The following DLGAP2 variants were observed in gnomAD, a reference collection of about 807,000 sequenced individuals.
DLGAP2 encodes the protein disks large-associated protein 2.
A neutral mutation model predicts 100.3 loss-of-function variants in DLGAP2; 26 were observed. The ratio of observed to expected loss-of-function variants is 0.26; its 90% CI spans 0.19 to 0.36. The LOEUF (loss-of-function observed/expected upper bound fraction) is 0.36. Among genes scored for constraint, DLGAP2 ranks in the 10% least tolerant of loss-of-function variants. The pLI is 1.00. For synonymous variants in DLGAP2, 886 were observed against 630.1 expected (o/e 1.41, Z -6.08); for missense variants, 1,858 against 1,453.2 (o/e 1.28, Z -4.53).
chr8:920,023 C>A (rs1334804229), intron 2 of DLGAP2, among the ~76,000 whole-genome samples: 1 of 152,180 alleles, frequency 6.6e-6, no homozygotes, highest in Non-Finnish European at 1.5e-5. Context: ...GCAGGATGGC[C>A]ATGATTTGTT....
chr8:1,202,643 G>T (rs530614108), intron 2 of DLGAP2, among the ~76,000 whole-genome samples: 1 of 152,142 alleles, frequency 6.6e-6, no homozygotes, highest in Middle Eastern at 3.2e-3. Flanking sequence ...GGGGATGGGG[G>T]GCCAGGCAAT....
intron 2 of DLGAP2, among the ~76,000 whole-genome samples, chr8:1,235,119 GCGTCGTGTCTGCTTCCCT>G (rs1798618558): frequency 1.3e-4 from 4 of 29,770 alleles, no homozygotes; most frequent in Non-Finnish European, 3.4e-4. Context: ...CTCACACATG[GCGTCGTGTCTGCTTCCCT>G]CACACGTGGC....
intron 3 of DLGAP2, among the ~76,000 whole-genome samples, chr8:1,316,320 C>T (rs1379332102): frequency 3.0e-5 from 4 of 135,566 alleles, no homozygotes; most frequent in Admixed American, 7.6e-5. Context: ...AGAAACTTGG[C>T]AGCGTTTAAA....
chr8:1,356,048 T>C (rs1485127446), intron 3 of DLGAP2, among the ~76,000 whole-genome samples: 1 of 152,210 alleles, frequency 6.6e-6, no homozygotes, highest in Non-Finnish European at 1.5e-5. Flanking sequence ...GCACTGTCGG[T>C]CAGTATGGGG....
At position 1,022,524 on chromosome 8, in the gene DLGAP2, C is replaced by T. The variant is rs141334530; in HGVS notation, c.73+114558C>T. Among the ~76,000 whole-genome samples, 459 of 148,092 alleles carry T rather than the reference C, an allele frequency of 3.1e-3. 8 individuals carry two copies. In the East Asian group the frequency reaches 0.075, roughly 24 times the overall value. On this transcript the variant is annotated intron_variant, in intron 2 of 14. Coordinates refer to ENST00000637795, the MANE Select transcript of DLGAP2 (RefSeq NM_001346810.2). ...CCCATGCCGAGGTAGACACTCCAGC[C>T]GCCACCCATCCTCCCTGGGAGTGGA...
intron 1 of DLGAP2, among the ~76,000 whole-genome samples, chr8:741,185 G>A (rs963754420): frequency 6.6e-6 from 1 of 152,204 alleles, no homozygotes; most frequent in Non-Finnish European, 1.5e-5. Context: ...CATGACAAAA[G>A]ACTTTAATTT....
chr8:1,169,655 G>T (rs1797088210), intron 2 of DLGAP2, among the ~76,000 whole-genome samples: 2 of 152,106 alleles, frequency 1.3e-5, no homozygotes, highest in African/African-American at 2.4e-5. Context: ...TTGTGAATGG[G>T]AGTTCACTCA....
At chr8:1,083,442 C>T (rs924902884) in intron 2 of DLGAP2, among the ~76,000 whole-genome samples, 1 of 152,158 alleles carries the variant, frequency 6.6e-6, no homozygotes, top group African/African-American at 2.4e-5. Flanking sequence ...GGTTTGAAGT[C>T]ATTTTAACTT....
intron 1 of DLGAP2, among the ~76,000 whole-genome samples, chr8:848,207 A>G (rs1214229382): frequency 1.3e-5 from 2 of 152,240 alleles, no homozygotes; most frequent in Admixed American, 1.3e-4. Context: ...AGACTTATCT[A>G]TATTGCTATA....
intron 2 of DLGAP2, among the ~76,000 whole-genome samples, chr8:1,237,032 C>T (rs1401607651): frequency 2.0e-4 from 27 of 132,904 alleles, no homozygotes; most frequent in African/African-American, 3.7e-4. Flanking sequence ...CACAGAGCAT[C>T]GTGTCTAGTT....
chr8:1,093,219 A>C, intron 2 of DLGAP2, among the ~76,000 whole-genome samples: 1 of 152,054 alleles, frequency 6.6e-6, no homozygotes, highest in East Asian at 1.9e-4. Context: ...AAACACCTTC[A>C]CACCAACAGC....
intron 2 of DLGAP2, among the ~76,000 whole-genome samples, chr8:1,048,760 C>A (rs565145022): frequency 1.3e-5 from 2 of 151,918 alleles, no homozygotes; most frequent in Non-Finnish European, 2.9e-5. Context: ...CATCTGCCGC[C>A]GAAGCTGCAG....
At chr8:1,052,012 C>T (rs1393871421) in intron 2 of DLGAP2, among the ~76,000 whole-genome samples, 6 of 152,136 alleles carry the variant, frequency 3.9e-5, no homozygotes, top group African/African-American at 1.4e-4. Flanking sequence ...AATGGGATGC[C>T]CCACAAGGAT....
intron 4 of DLGAP2, among the ~76,000 whole-genome samples, chr8:1,530,009 C>T (rs907014362): frequency 3.7e-4 from 56 of 152,306 alleles, no homozygotes; most frequent in African/African-American, 1.3e-3. Flanking sequence ...AGGGTGAGAT[C>T]ACAGGACCAC....
intron 1 of DLGAP2, among the ~76,000 whole-genome samples, chr8:798,108 C>T (rs1197020417): frequency 6.6e-6 from 1 of 152,214 alleles, no homozygotes; most frequent in Non-Finnish European, 1.5e-5. Context: ...AGGCTGTTTG[C>T]ATCAGTTTCT....
At chr8:776,871 T>C (rs1244425600) in intron 1 of DLGAP2, among the ~76,000 whole-genome samples, 1 of 152,184 alleles carries the variant, frequency 6.6e-6, no homozygotes, top group African/African-American at 2.4e-5. Context: ...TAGGTCCACT[T>C]GTTGCAGAGC....
intron 2 of DLGAP2, among the ~76,000 whole-genome samples, chr8:1,039,808 G>A (rs1802264399): frequency 6.9e-6 from 1 of 145,748 alleles, no homozygotes; most frequent in African/African-American, 2.6e-5. Context: ...CGGTTTCCGT[G>A]GTCGGCTCGG....
chr8:1,587,949 C>G (rs1399740261), intron 6 of DLGAP2, among the ~76,000 whole-genome samples: 1 of 152,172 alleles, frequency 6.6e-6, no homozygotes, highest in Non-Finnish European at 1.5e-5. Flanking sequence ...TACCAATGAG[C>G]TACTTTTCTG....
At chr8:757,185 C>T (rs1205495096) in intron 1 of DLGAP2, among the ~76,000 whole-genome samples, 2 of 152,190 alleles carry the variant, frequency 1.3e-5, no homozygotes, top group Non-Finnish European at 2.9e-5. Flanking sequence ...CTGCTTTAAA[C>T]TTGCTCCAAA....
Sources: gnomAD v4.1 joint callset for allele counts (sites outside exome capture counted in the v4.1 genomes callset) on GRCh38, gnomAD v4.1.1 for gene constraint, MANE v1.5 for transcripts, NCBI Gene and HGNC (gene_info 2026-07-23, HGNC 2026-07-21) for gene names.